SARDH: variants seen among roughly 807,000 people sequenced by gnomAD.
The protein encoded by SARDH is sarcosine dehydrogenase, also known as sarcosine dehydrogenase, mitochondrial.
Under a neutral mutation model 109.1 loss-of-function variants are expected in SARDH, and 95 were observed. That is an observed-to-expected ratio of 0.87 (90% CI 0.74 to 1.03). SARDH has a LOEUF of 1.03. Ranked by LOEUF, SARDH falls within the 50% of genes least tolerant of loss-of-function variation. The probability of loss-of-function intolerance (pLI) is 0.00; values close to 1 mark genes in which losing one functional copy is unlikely to be tolerated. For missense variants in SARDH, 1,267 were observed against 1,287.8 expected (o/e 0.98, Z 0.25); for synonymous variants, 572 against 534.8 (o/e 1.07, Z -0.96).
Position 133,692,225 on chromosome 9 carries a change from G to A in SARDH, c.1922-1698C>T, listed in dbSNP as rs955660499. ...ATGGGGGAAACTGAGGCTCGGGGGG[G>A]CAGGTCGCTGAGCCAGGTAGTGGCA... On this transcript the variant is annotated intron_variant, in intron 15 of 20. Transcript: ENST00000439388. The surrounding 1 kb of genome is among the most constrained non-coding windows in gnomAD (Gnocchi z 5.0). Among the ~76,000 whole-genome samples the A allele has an allele frequency of 3.9e-5, 6 of 152,260 alleles. No individual in the cohort carries two copies. The East Asian group carries it at 7.7e-4, about 20-fold the overall frequency.
rs1831612125 is a variant in SARDH, at chr9:133,704,461, C to T, written c.1554+487G>A. 6.6e-6 allele frequency among the ~76,000 whole-genome samples: 1 copy of T among 152,140 alleles called. No homozygotes were observed. The highest frequency in any genetic ancestry group is 2.4e-5 in the African/African-American group (1 of 41,396). ...TCCCTGGGAGTCCCCAGAGGACGCC[C>T]AGAGTCCAGGCCACTGTGAAACCTC... On this transcript the variant is annotated intron_variant, in intron 12 of 20. Coordinates refer to ENST00000439388, the MANE Select transcript of SARDH (RefSeq NM_001134707.2). This position sits in a 1 kb window ranked among gnomAD's most constrained non-coding sequence, Gnocchi z 4.5.
intron 11 of SARDH, among the ~76,000 whole-genome samples, chr9:133,706,866 CCGAGGCCCCAA>C (rs1831713684): frequency 6.6e-6 from 1 of 152,064 alleles, no homozygotes; most frequent in Non-Finnish European, 1.5e-5. Context: ...CCCTCCACCC[CCGAGGCCCCAA>C]GAAGGAGGAG....
intron 6 of SARDH, among the ~76,000 whole-genome samples, chr9:133,720,878 T>G (rs1162205025): frequency 6.6e-6 from 1 of 151,968 alleles, no homozygotes; most frequent in African/African-American, 2.4e-5. Context: ...GAATCTAAGA[T>G]GAAGAAAGAG....
intron 1 of SARDH, among the ~76,000 whole-genome samples, chr9:133,737,168 G>A (rs895493712): frequency 1.3e-5 from 2 of 152,222 alleles, no homozygotes; most frequent in African/African-American, 4.8e-5. Flanking sequence ...AAGCCCTGAC[G>A]AAGCCCAGAA....
At chr9:133,673,556 A>G (rs1830421498) in intron 17 of SARDH, among the ~76,000 whole-genome samples, 1 of 152,338 alleles carries the variant, frequency 6.6e-6, no homozygotes, top group South Asian at 2.1e-4. Flanking sequence ...ATGGCCGCCG[A>G]GGGGCTGGAT....
At chr9:133,735,219 C>G (rs945835892) in intron 1 of SARDH, among the ~76,000 whole-genome samples, 1 of 152,202 alleles carries the variant, frequency 6.6e-6, no homozygotes, top group East Asian at 1.9e-4. Context: ...CCCCAAAGCT[C>G]GGTGGGACTA....
intron 6 of SARDH, among the ~76,000 whole-genome samples, chr9:133,720,300 C>T (rs1832280076): frequency 6.6e-6 from 1 of 152,092 alleles, no homozygotes; most frequent in Admixed American, 6.5e-5. Context: ...TGGTGGTGGG[C>T]AGCTGTAATC....
chr9:133,715,138 T>C (rs2131456695), intron 8 of SARDH, among the ~76,000 whole-genome samples: 1 of 152,218 alleles, frequency 6.6e-6, no homozygotes, highest in South Asian at 2.1e-4. Context: ...CACGGGGGCC[T>C]GGGACTTCCC....
rs774196580 is a variant in SARDH, at chr9:133,696,302, G to A, written c.1728C>T (p.Phe576=). ...GAAAVFDMSY[F]GKFYLVGLDA... is the part of the protein sequence containing the mutation. ...CCAGCCCCACCAGGTAGAACTTCCCGAAGTAGGACATGTCAAACACAGCGG... is the reference window on the plus strand; with the variant it reads ...CCAGCCCCACCAGGTAGAACTTCCCAAAGTAGGACATGTCAAACACAGCGG... Residue 576 remains phenylalanine, a synonymous_variant, in exon 14 of 21, where the codon TTC becomes TTT. Coordinates refer to ENST00000439388, the MANE Select transcript of SARDH (RefSeq NM_001134707.2). 3.4e-5 allele frequency: 55 copies of A among 1,614,036 alleles called. 1 individual carries two copies. The highest frequency in any genetic ancestry group is 3.3e-4 in the Middle Eastern group (2 of 6,084).
chr9:133,721,257 G>T (rs762572115), intron 6 of SARDH, among the ~76,000 whole-genome samples: 1 of 152,248 alleles, frequency 6.6e-6, no homozygotes, highest in Non-Finnish European at 1.5e-5. Context: ...CGGATGGCCA[G>T]GAGGGCCATC....
chr9:133,674,478 T>C (rs1375236506), intron 17 of SARDH, among the ~76,000 whole-genome samples: 3 of 152,374 alleles, frequency 2.0e-5, no homozygotes, highest in African/African-American at 7.2e-5. Context: ...AAGGGTCTTA[T>C]GTCAGGTTTT....
downstream of SARDH, among the ~76,000 whole-genome samples, chr9:133,663,298 C>A (rs905015983): frequency 1.3e-5 from 2 of 152,232 alleles, no homozygotes; most frequent in African/African-American, 4.8e-5. Flanking sequence ...TCTCAGGAGG[C>A]TTTGCCACCT....
In SARDH at chr9:133,713,093, C is replaced by G; in HGVS notation, c.1182G>C (p.Met394Ile). The G allele has an allele frequency of 1.2e-6, 2 of 1,613,484 alleles. No homozygotes were observed. The highest frequency in any genetic ancestry group is 1.1e-5 in the South Asian group (1 of 90,954). Reference protein sequence around the residue: ...ESFTPDHKPLMGEAPELRGFF... With the variant: ...ESFTPDHKPLIGEAPELRGFF... The stretch of plus-strand genomic sequence containing the variant: ...ACCCTCGGAGCTCAGGTGCCTCCCC[C>G]ATCAGGGGCTTGTGGTCGGGCGTGA... Residue 394 changes from methionine to isoleucine, a missense_variant, in exon 9 of 21, where the codon ATG becomes ATC. Met to Ile is a conservative substitution (Grantham distance 10). Coordinates refer to ENST00000439388, the MANE Select transcript of SARDH (RefSeq NM_001134707.2).
chr9:133,662,904 C>T (rs1030821732), downstream of SARDH, among the ~76,000 whole-genome samples: 3 of 152,174 alleles, frequency 2.0e-5, no homozygotes, highest in Admixed American at 6.5e-5. This position sits in a 1 kb window ranked among gnomAD's most constrained non-coding sequence, Gnocchi z 5.1. Context: ...GAGATGCACA[C>T]CCCTCCCAGG....
intron 17 of SARDH, among the ~76,000 whole-genome samples, chr9:133,682,530 G>A (rs1238268240): frequency 6.6e-6 from 1 of 152,210 alleles, no homozygotes; most frequent in Non-Finnish European, 1.5e-5. Flanking sequence ...GCTTCGTGCC[G>A]CAGCTCACGA....
intron 19 of SARDH, among the ~76,000 whole-genome samples, chr9:133,669,612 C>G (rs1046309304): frequency 2.0e-5 from 3 of 152,070 alleles, no homozygotes; most frequent in Admixed American, 2.0e-4. Context: ...CGCCGGGCTC[C>G]AGCAGCATGC....
chr9:133,705,890 G>C (rs74907587), intron 11 of SARDH, among the ~76,000 whole-genome samples: 2,476 of 152,230 alleles, frequency 0.016, 76 homozygotes, highest in African/African-American at 0.057. Flanking sequence ...GCGACGCCAG[G>C]GCCCTCTCCC....
Position 133,667,682 on chromosome 9 carries a change from G to T in SARDH, c.2496-812C>A, listed in dbSNP as rs76326337. 4.5e-3 allele frequency among the ~76,000 whole-genome samples: 682 copies of T among 152,182 alleles called. 1 individual carries two copies. The highest frequency in any genetic ancestry group is 0.016 in the African/African-American group (663 of 41,514). On this transcript the variant is annotated intron_variant, in intron 19 of 20. Transcript: ENST00000439388. ...TCCCTGTGCAATGGGTTATCACGGC[G>T]GCAGCTATGCAAAGGGGTCCCTGAA...
At chr9:133,702,074 G>A (rs1273609863) in intron 13 of SARDH, among the ~76,000 whole-genome samples, 2 of 152,198 alleles carry the variant, frequency 1.3e-5, no homozygotes, top group Non-Finnish European at 2.9e-5. Context: ...CTGAGACTCT[G>A]GGCTCAGGCC....
Sources: gnomAD v4.1 joint callset for allele counts (sites outside exome capture counted in the v4.1 genomes callset) on GRCh38, gnomAD v4.1.1 for gene constraint, Gnocchi (gnomAD v3.1) non-coding constraint, MANE v1.5 for transcripts, NCBI Gene and HGNC (gene_info 2026-07-23, HGNC 2026-07-21) for gene names.